Variants in NUP210 observed in about 807,000 individuals in gnomAD.
NUP210 encodes nucleoporin 210.
A neutral mutation model predicts 196.0 loss-of-function variants in NUP210; 151 were observed. That is an observed-to-expected ratio of 0.77 (90% CI 0.67 to 0.88). NUP210 has a LOEUF of 0.88. Ranked by LOEUF, NUP210 falls within the 40% of genes least tolerant of loss-of-function variation. The pLI, the probability that NUP210 is intolerant of heterozygous loss-of-function variation, is 0.00. For synonymous variants in NUP210, 1,070 were observed against 1,052.7 expected (o/e 1.02, Z -0.32); for missense variants, 2,314 against 2,493.7 (o/e 0.93, Z 1.53).
Position 13,378,917 on chromosome 3 carries a change from T to C in NUP210, c.1040A>G (p.Tyr347Cys), listed in dbSNP as rs774038395. The change falls in exon 8 of 40, where the codon TAC becomes TGC. Residue 347 changes from tyrosine to cysteine, a missense_variant. By Grantham distance (194) the Tyr-to-Cys change is radical. Transcript: ENST00000254508. ...NSTIYVVEPG[Y>C]LGFTVHPGDR... ...CCCAGGAGGCCCACACTCACCTAGG[T>C]ATCCAGGTTCGACCACGTAGATAGT... 1.6e-5 allele frequency: 25 copies of C among 1,612,774 alleles called. No individual in the cohort carries two copies. The highest frequency in any genetic ancestry group is 3.3e-4 in the Middle Eastern group (2 of 6,058).
chr3:13,364,716 T>C (rs543525570), intron 14 of NUP210, among the ~76,000 whole-genome samples: 171 of 152,104 alleles, frequency 1.1e-3, no homozygotes, highest in Non-Finnish European at 2.0e-3. Flanking sequence ...TAATCCCAGC[T>C]ACTCAGGAGG....
At chr3:13,417,604 G>A (rs1700389722) in intron 1 of NUP210, among the ~76,000 whole-genome samples, 1 of 152,166 alleles carries the variant, frequency 6.6e-6, no homozygotes, top group Admixed American at 6.5e-5. Context: ...AGCAATAGAC[G>A]ACTACACTAG....
chr3:13,407,888 C>CG lies in NUP210; in HGVS notation c.168-8028_168-8027insC, dbSNP rs765717788. On this transcript the variant is annotated intron_variant, in intron 1 of 39. Transcript: ENST00000254508. ...CTAAGTACAGACTACACATTAACCT[C>CG]TATCTTCACGGAGCTTTCACTTTAG... is the stretch of plus-strand genomic sequence containing the variant. Among the ~76,000 whole-genome samples, 5 of 152,304 alleles carry CG rather than the reference C, an allele frequency of 3.3e-5. No individual in the cohort carries two copies. In the East Asian group the frequency reaches 9.6e-4, roughly 29 times the overall value.
rs1447288739 is a variant in NUP210 at position 13,323,707 on chromosome 3, C to A, written c.4645-275G>T. Among the ~76,000 whole-genome samples the A allele has an allele frequency of 6.6e-6, 1 of 152,218 alleles. No homozygotes were observed. On this transcript the variant is annotated intron_variant, in intron 33 of 39. Coordinates refer to ENST00000254508, the MANE Select transcript of NUP210 (RefSeq NM_024923.4). This position sits in a 1 kb window ranked among gnomAD's most constrained non-coding sequence, Gnocchi z 4.3. The stretch of plus-strand genomic sequence containing the variant: ...GAGCAGCGGGCCTGAATTCATTAAT[C>A]GATCTGGGTGGGCTGAGGATTTTGG...
chr3:13,391,823 C>T (rs144635960), intron 3 of NUP210, among the ~76,000 whole-genome samples: 4 of 151,606 alleles, frequency 2.6e-5, no homozygotes, highest in Non-Finnish European at 4.4e-5. Context: ...CTCCTGAGGT[C>T]GTGGGGTAGG....
At chr3:13,375,439 A>G (rs1698867681) in intron 11 of NUP210, 65 bp downstream of exon 11, 1 of 1,491,564 alleles carries the variant, frequency 6.7e-7, no homozygotes, top group Non-Finnish European at 9.2e-7. Flanking sequence ...AATAGAATGG[A>G]CAAAAAGCCA....
At position 13,322,127 on chromosome 3, in the gene NUP210, C is replaced by A. The variant is rs562245923; in HGVS notation, c.4915+66G>T. On this transcript the variant is annotated intron_variant, in intron 35 of 39. Coordinates refer to ENST00000254508, the MANE Select transcript of NUP210 (RefSeq NM_024923.4). ...CCATGGTGAGCTGGGCACGTGGAAG[C>A]CGCAAGATGCCCAGAAGACAGAGAC... The A allele has an allele frequency of 1.4e-5, 22 of 1,579,490 alleles. 1 individual carries two copies. In the South Asian group the frequency reaches 2.4e-4, roughly 17 times the overall value.
At chr3:13,386,244 A>T in intron 6 of NUP210, 31 bp downstream of exon 6, 1 of 1,588,806 alleles carries the variant, frequency 6.3e-7, no homozygotes, top group Non-Finnish European at 8.6e-7. Context: ...GGAAGGAAGC[A>T]TCTGTCATGA....
chr3:13,353,981 T>A lies in NUP210; in HGVS notation c.2455A>T (p.Ile819Phe). ...AGCTGCATGGGCAGCTCAGGCTCGA[T>A]GCTGGCCAACACTGGCCTGGTGGAC... ...WESTRPVLAS[I>F]EPELPMQLVS... The change falls in exon 17 of 40, where the codon ATC becomes TTC. Residue 819 changes from isoleucine (I) to phenylalanine (F), a missense_variant. Physicochemically the swap from Ile to Phe is conservative, Grantham distance 21. Transcript: ENST00000254508. 1 of 1,610,144 alleles carries A rather than the reference T, an allele frequency of 6.2e-7. No homozygotes were observed. The highest frequency in any genetic ancestry group is 1.1e-5 in the South Asian group (1 of 90,084).
intron 30 of NUP210, among the ~76,000 whole-genome samples, chr3:13,329,407 C>T (rs1185308746): frequency 6.6e-6 from 1 of 152,204 alleles, no homozygotes; most frequent in African/African-American, 2.4e-5. Context: ...GCCCAAGAAC[C>T]CGAGCTCCAT....
At chr3:13,419,646 G>A (rs1370382630) in intron 1 of NUP210, among the ~76,000 whole-genome samples, 2 of 152,196 alleles carry the variant, frequency 1.3e-5, no homozygotes, top group East Asian at 3.9e-4. Context: ...GGCGAGGGCG[G>A]TCACAGACAA....
At chr3:13,410,774 C>T (rs1008059655) in intron 1 of NUP210, among the ~76,000 whole-genome samples, 16 of 150,964 alleles carry the variant, frequency 1.1e-4, no homozygotes, top group East Asian at 5.9e-4. Flanking sequence ...AAAAATTAGC[C>T]GGGCGTGGTG....
chr3:13,400,679 C>T (rs1699805838), intron 1 of NUP210, among the ~76,000 whole-genome samples: 1 of 152,208 alleles, frequency 6.6e-6, no homozygotes, highest in Non-Finnish European at 1.5e-5. Flanking sequence ...GCCTAGTGTA[C>T]AGGGCCTCCA....
chr3:13,340,320 A>G lies in NUP210; in HGVS notation c.3229-22T>C, dbSNP rs776870779. On this transcript the variant is annotated intron_variant, in intron 23 of 39. Transcript: ENST00000254508. The surrounding 1 kb of genome is among the most constrained non-coding windows in gnomAD (Gnocchi z 4.0). Reference sequence around the variant, plus strand: ...AGACCTGTTGAGAGACACAGGAGAGAAAGGACTACTGTGCCCCAAGCCCAT... The same window carrying G: ...AGACCTGTTGAGAGACACAGGAGAGGAAGGACTACTGTGCCCCAAGCCCAT... The G allele has an allele frequency of 1.9e-6, 3 of 1,608,094 alleles. No homozygotes were observed. The highest frequency in any genetic ancestry group is 2.6e-6 in the Non-Finnish European group (3 of 1,175,350).
chr3:13,399,532 C>T (rs909746984), intron 2 of NUP210, among the ~76,000 whole-genome samples, 193 bp downstream of exon 2: 4 of 152,272 alleles, frequency 2.6e-5, no homozygotes, highest in South Asian at 2.1e-4. Context: ...AAAGGGAACA[C>T]GGTACGAAGT....
At position 13,420,162 on chromosome 3, in the gene NUP210, G is replaced by T; in HGVS notation, c.65C>A (p.Ser22Tyr). Residue 22 changes from serine (S) to tyrosine (Y), a missense_variant, in exon 1 of 40, where the codon TCC becomes TAC. Physicochemically the swap from Ser to Tyr is moderately radical, Grantham distance 144 (BLOSUM62 -2). Transcript: ENST00000254508. The surrounding 1 kb of genome is among the most constrained non-coding windows in gnomAD (Gnocchi z 4.8). ...GATGTTGAGCTTGGCCGCAGCGGCG[G>T]AGGGGCCCGCCGCCAACAGCACCGA... is the stretch of plus-strand genomic sequence containing the variant. ...TLSVLLAAGP[S>Y]AAAAKLNIPK... 1 of 1,288,672 alleles carries T rather than the reference G, an allele frequency of 7.8e-7. No individual in the cohort carries two copies. 79.8% of individuals were successfully genotyped at this position (1,288,672 alleles called of 1,614,324 possible).
Position 13,379,807 on chromosome 3 carries a change from C to T in NUP210, c.818-86G>A, listed in dbSNP as rs1043933768. On this transcript the variant is annotated intron_variant, in intron 6 of 39. Transcript: ENST00000254508. This position sits in a 1 kb window ranked among gnomAD's most constrained non-coding sequence, Gnocchi z 4.2. ...AGCCAATACACTCCCACTGCCACCC[C>T]GAATCTCTGCACTCTGCTCTCAGTA... 4.3e-5 allele frequency: 50 copies of T among 1,155,984 alleles called. No homozygotes were observed. In the East Asian group the frequency reaches 8.1e-4, roughly 19 times the overall value. 71.6% of individuals were successfully genotyped at this position (1,155,984 alleles called of 1,614,324 possible).
chr3:13,347,263 C>G lies in NUP210; in HGVS notation c.2836-3960G>C. ...AGTGCTTAACACAGCACCTGGCACACGATAAGCACTCCAGCGTCTCTGAGT... is the reference window on the plus strand; with the variant it reads ...AGTGCTTAACACAGCACCTGGCACAGGATAAGCACTCCAGCGTCTCTGAGT... On this transcript the variant is annotated intron_variant, in intron 20 of 39. Transcript: ENST00000254508. The surrounding 1 kb of genome is among the most constrained non-coding windows in gnomAD (Gnocchi z 4.7). The G allele has an allele frequency of 2.0e-6, 2 of 985,218 alleles. No individual in the cohort carries two copies. Among genetic ancestry groups the G allele is most frequent in the South Asian group, 4.7e-5 (1 of 21,276 alleles). 61.0% of individuals were successfully genotyped at this position (985,218 alleles called of 1,614,324 possible).
chr3:13,323,919 G>T lies in NUP210; in HGVS notation c.4645-487C>A, dbSNP rs1696640041. Among the ~76,000 whole-genome samples, 2 of 152,114 alleles carry T rather than the reference G, an allele frequency of 1.3e-5. No individual in the cohort carries two copies. Among genetic ancestry groups the T allele is most frequent in the African/African-American group, 2.4e-5 (1 of 41,420 alleles). On this transcript the variant is annotated intron_variant, in intron 33 of 39. Coordinates refer to ENST00000254508, the MANE Select transcript of NUP210 (RefSeq NM_024923.4). The surrounding 1 kb of genome is among the most constrained non-coding windows in gnomAD (Gnocchi z 4.3). ...GACACCCTCCCATCTTCTCTGCAGA[G>T]CCCAGCCTCATCCACCCTTCAGGCC...
Sources: allele counts gnomAD v4.1 joint callset (sites outside exome capture counted in the v4.1 genomes callset), GRCh38; gene constraint gnomAD v4.1.1; non-coding constraint Gnocchi (gnomAD v3.1); transcripts MANE v1.5; gene names NCBI Gene and HGNC (gene_info 2026-07-23, HGNC 2026-07-21).